ZNF516: variants seen among roughly 807,000 people sequenced by gnomAD.
The protein encoded by ZNF516 is zinc finger protein 516.
In ZNF516, 19 loss-of-function variants were observed where a neutral mutation model predicts 79.7. The ratio of observed to expected loss-of-function variants is 0.24; its 90% CI spans 0.17 to 0.35. ZNF516 has a LOEUF of 0.35. Among genes scored for constraint, ZNF516 ranks in the 10% least tolerant of loss-of-function variants. The pLI is 1.00. For missense variants in ZNF516, 1,678 were observed against 1,679.5 expected, an observed-to-expected ratio of 1.00 and a Z score of 0.02; for synonymous variants, 877 against 739.5, an observed-to-expected ratio of 1.19 and a Z score of -3.02.
chr18:76,454,451 C>T (rs1410407812), intron 2 of ZNF516, among the ~76,000 whole-genome samples: 2 of 152,202 alleles, frequency 1.3e-5, no homozygotes, highest in African/African-American at 2.4e-5. Context: ...TTCCCAAATG[C>T]TTTACTATAT....
chr18:76,423,850 G>A (rs1201180576), intron 3 of ZNF516, among the ~76,000 whole-genome samples: 2 of 140,796 alleles, frequency 1.4e-5, no homozygotes, highest in Non-Finnish European at 3.0e-5. Flanking sequence ...CAGGTGAAAA[G>A]GCTCCCCCAA....
At chr18:76,411,607 G>A (rs1303922685) in intron 3 of ZNF516, among the ~76,000 whole-genome samples, 1 of 152,172 alleles carries the variant, frequency 6.6e-6, no homozygotes, top group Non-Finnish European at 1.5e-5. Context: ...AAGCATGGAA[G>A]GATGTGTTGA....
Position 76,415,815 on chromosome 18 carries a change from C to T in ZNF516, c.1810+25430G>A, listed in dbSNP as rs531184846. 6.6e-5 allele frequency among the ~76,000 whole-genome samples: 10 copies of T among 152,330 alleles called. No individual in the cohort carries two copies. In the South Asian group the frequency reaches 1.2e-3, roughly 19 times the overall value. ...TGATTCAGGATAAGTCTGCACCACT[C>T]AGGTTCCGTGAGGCATAAATGAGGC... is the stretch of plus-strand genomic sequence containing the variant. On this transcript the variant is annotated intron_variant, in intron 3 of 6. Coordinates refer to ENST00000443185, the MANE Select transcript of ZNF516 (RefSeq NM_014643.4).
chr18:76,376,577 T>C (rs941935867), intron 4 of ZNF516, among the ~76,000 whole-genome samples: 2 of 151,636 alleles, frequency 1.3e-5, no homozygotes, highest in Non-Finnish European at 2.9e-5. Context: ...TTTTTTAAAA[T>C]GTCTGTAAGA....
At chr18:76,476,626 T>A (rs995273485) in intron 1 of ZNF516, among the ~76,000 whole-genome samples, 2 of 152,250 alleles carry the variant, frequency 1.3e-5, no homozygotes, top group African/African-American at 4.8e-5. Flanking sequence ...CAAATGAATA[T>A]GAAAGAAATT....
At position 76,359,328 on chromosome 18, in the gene ZNF516, G is replaced by A. The variant is rs2074498384; in HGVS notation, c.*3170C>T. 2.0e-5 allele frequency: 3 copies of A among 152,198 alleles called. No individual in the cohort carries two copies. The highest frequency in any genetic ancestry group is 4.4e-5 in the Non-Finnish European group (3 of 68,048). 9.4% of individuals were successfully genotyped at this position (152,198 alleles called of 1,614,324 possible). A position where few individuals can be genotyped will look rare whatever the true frequency, so the allele number is the denominator to read the frequency against. On this transcript the variant is annotated 3_prime_UTR_variant, in exon 7 of 7. Coordinates refer to ENST00000443185, the MANE Select transcript of ZNF516 (RefSeq NM_014643.4). ...TGAAGCCAAATCTGTATGGTGCTGA[G>A]AATGAAATCTGTCCGTCTAAGATGA...
At chr18:76,476,812 A>G (rs586692) in intron 1 of ZNF516, among the ~76,000 whole-genome samples, 24,281 of 152,218 alleles carry the variant, frequency 0.16, 2,200 homozygotes, top group South Asian at 0.3. Flanking sequence ...TATAAATTTC[A>G]CATGACTGGA....
At chr18:76,396,149 A>G (rs770384040) in intron 3 of ZNF516, among the ~76,000 whole-genome samples, 1 of 152,200 alleles carries the variant, frequency 6.6e-6, no homozygotes. Context: ...TCCCATCCCC[A>G]GTAGCTGTGA....
intron 2 of ZNF516, among the ~76,000 whole-genome samples, chr18:76,447,251 G>T (rs1300212326): frequency 6.6e-6 from 1 of 152,230 alleles, no homozygotes; most frequent in Non-Finnish European, 1.5e-5. Flanking sequence ...CAATTAGGAG[G>T]ATTATTGGGA....
intron 1 of ZNF516, chr18:76,488,350 T>G: frequency 4.4e-6 from 3 of 674,466 alleles, no homozygotes; most frequent in Non-Finnish European, 5.5e-6. Flanking sequence ...AAAGGCCTTT[T>G]TGCGGGATGC....
At chr18:76,468,545 TA>T (rs1165979169) in intron 1 of ZNF516, among the ~76,000 whole-genome samples, 3 of 151,808 alleles carry the variant, frequency 2.0e-5, no homozygotes, top group Non-Finnish European at 2.9e-5. Context: ...GCCTCCCTAG[TA>T]GCTGGGACTA....
intron 3 of ZNF516, among the ~76,000 whole-genome samples, chr18:76,440,107 G>A (rs149549215): frequency 3.3e-5 from 5 of 152,316 alleles, no homozygotes; most frequent in African/African-American, 9.6e-5. Context: ...TAACCTGTGC[G>A]TGGATTCAAC....
intron 3 of ZNF516, among the ~76,000 whole-genome samples, chr18:76,381,230 G>T (rs974461297): frequency 2.0e-5 from 3 of 152,298 alleles, no homozygotes; most frequent in African/African-American, 7.2e-5. Context: ...AGACTGTACT[G>T]CAAGTGGACA....
At chr18:76,403,796 T>A (rs545845239) in intron 3 of ZNF516, among the ~76,000 whole-genome samples, 1 of 152,320 alleles carries the variant, frequency 6.6e-6, no homozygotes, top group East Asian at 1.9e-4. Flanking sequence ...CAGATTTCCA[T>A]CAATTTCATG....
chr18:76,424,786 G>A (rs1391058089), intron 3 of ZNF516, among the ~76,000 whole-genome samples: 2 of 103,736 alleles, frequency 1.9e-5, no homozygotes, highest in Non-Finnish European at 3.7e-5. Flanking sequence ...AGGTTCCCCC[G>A]AAACACACGC....
At chr18:76,444,603 G>A (rs1911929086) in intron 2 of ZNF516, among the ~76,000 whole-genome samples, 1 of 152,192 alleles carries the variant, frequency 6.6e-6, no homozygotes, top group African/African-American at 2.4e-5. Flanking sequence ...GCAGCTCCCT[G>A]TTTGCTCCGA....
intron 1 of ZNF516, among the ~76,000 whole-genome samples, chr18:76,485,397 C>G (rs998709263): frequency 6.6e-6 from 1 of 152,206 alleles, no homozygotes. Flanking sequence ...CCAAAGGCAA[C>G]GTGCACTCAC....
intron 3 of ZNF516, among the ~76,000 whole-genome samples, chr18:76,383,238 G>A (rs570250718): frequency 6.6e-6 from 1 of 152,254 alleles, no homozygotes; most frequent in South Asian, 2.1e-4. Flanking sequence ...AGCAGCTGAT[G>A]AGCAGAAAGA....
chr18:76,369,455 G>A (rs896531695), intron 6 of ZNF516, among the ~76,000 whole-genome samples: 8 of 152,126 alleles, frequency 5.3e-5, no homozygotes, highest in African/African-American at 1.9e-4. Context: ...CCCTCATCAG[G>A]TAATGTCAAT....
Sources: allele counts gnomAD v4.1 joint callset (sites outside exome capture counted in the v4.1 genomes callset), GRCh38; gene constraint gnomAD v4.1.1; transcripts MANE v1.5; gene names NCBI Gene and HGNC (gene_info 2026-07-23, HGNC 2026-07-21).